The following ELMO1 variants were observed in gnomAD, a reference collection of about 807,000 sequenced individuals.
ELMO1 encodes engulfment and cell motility protein 1.
Under a neutral mutation model 98.9 loss-of-function variants are expected in ELMO1, and 26 were observed. The observed-to-expected ratio is 0.26, with a 90% confidence interval of 0.19 to 0.36. ELMO1 has a LOEUF of 0.36. Ranked by LOEUF, ELMO1 falls within the 10% of genes least tolerant of loss-of-function variation. ELMO1 has a pLI of 1.00. For synonymous variants in ELMO1, 346 were observed against 346.0 expected, an observed-to-expected ratio of 1.00 and a Z score of 0.00; for missense variants, 627 against 935.2, an observed-to-expected ratio of 0.67 and a Z score of 4.30.
intron 13 of ELMO1, among the ~76,000 whole-genome samples, chr7:37,195,668 C>A (rs188950016): frequency 6.6e-6 from 1 of 152,306 alleles, no homozygotes; most frequent in East Asian, 1.9e-4. Flanking sequence ...CTTTCCTCTC[C>A]GAAAAAGCTG....
chr7:37,126,867 T>C (rs867219666), intron 14 of ELMO1, among the ~76,000 whole-genome samples: 1 of 152,236 alleles, frequency 6.6e-6, no homozygotes, highest in Non-Finnish European at 1.5e-5. Context: ...CTTCTTTTAG[T>C]TGGATACTTT....
chr7:36,870,572 T>C lies in ELMO1; in HGVS notation c.1823-97A>G. ...TAAGCACTGGGTCCGCTACTGTGGT[T>C]ACCATTCCCAGAAACTACTGCAAAA... On this transcript the variant is annotated intron_variant, in intron 19 of 21. Transcript: ENST00000310758. This position sits in a 1 kb window ranked among gnomAD's most constrained non-coding sequence, Gnocchi z 4.4. The C allele has an allele frequency of 8.7e-7, 1 of 1,149,598 alleles. No homozygotes were observed. Among genetic ancestry groups the C allele is most frequent in the Non-Finnish European group, 1.2e-6 (1 of 813,634 alleles). 71.2% of individuals were successfully genotyped at this position (1,149,598 alleles called of 1,614,324 possible). A position where few individuals can be genotyped will look rare whatever the true frequency, so the allele number is the denominator to read the frequency against.
intron 16 of ELMO1, among the ~76,000 whole-genome samples, chr7:36,938,051 T>C (rs188408263): frequency 6.6e-6 from 1 of 152,204 alleles, no homozygotes. Flanking sequence ...TGCCAGTTTA[T>C]GAAACATCCT....
intron 5 of ELMO1, among the ~76,000 whole-genome samples, chr7:37,266,575 C>CA (rs1280489845): frequency 2.0e-5 from 3 of 152,164 alleles, no homozygotes; most frequent in Non-Finnish European, 2.9e-5. Flanking sequence ...ATAGGGTTCA[C>CA]AAAAAAATCT....
At chr7:37,394,633 T>C (rs768403434) in intron 1 of ELMO1, among the ~76,000 whole-genome samples, 7 of 152,170 alleles carry the variant, frequency 4.6e-5, no homozygotes, top group Non-Finnish European at 1.0e-4. Flanking sequence ...AGGGTTCATC[T>C]AGGGCAGGAA....
intron 6 of ELMO1, among the ~76,000 whole-genome samples, chr7:37,250,111 C>T (rs1010495018): frequency 2.0e-5 from 3 of 151,974 alleles, no homozygotes; most frequent in Non-Finnish European, 2.9e-5. Context: ...AATAAAAGTT[C>T]AGAGAAAAAC....
At chr7:36,958,226 C>T (rs1454093609) in intron 16 of ELMO1, among the ~76,000 whole-genome samples, 2 of 152,124 alleles carry the variant, frequency 1.3e-5, no homozygotes, top group Non-Finnish European at 2.9e-5. Flanking sequence ...ATCATATTTG[C>T]TTAGCAAAAC....
chr7:37,418,256 T>C (rs1804314171), intron 1 of ELMO1, among the ~76,000 whole-genome samples: 1 of 152,138 alleles, frequency 6.6e-6, no homozygotes, highest in Non-Finnish European at 1.5e-5. Context: ...AGATAGAAAG[T>C]GCAGCACATT....
At chr7:37,028,805 G>A (rs1026053672) in intron 15 of ELMO1, among the ~76,000 whole-genome samples, 1 of 152,124 alleles carries the variant, frequency 6.6e-6, no homozygotes, top group South Asian at 2.1e-4. Flanking sequence ...TGTACATTCT[G>A]ATTTTAGTAA....
At chr7:37,074,932 C>T (rs1797483709) in intron 15 of ELMO1, among the ~76,000 whole-genome samples, 1 of 152,116 alleles carries the variant, frequency 6.6e-6, no homozygotes, top group Non-Finnish European at 1.5e-5. Flanking sequence ...TTCCACAGAC[C>T]TTGGCTTGAA....
At chr7:36,860,523 G>A (rs1802545169) in intron 21 of ELMO1, among the ~76,000 whole-genome samples, 1 of 152,244 alleles carries the variant, frequency 6.6e-6, no homozygotes, top group Non-Finnish European at 1.5e-5. Flanking sequence ...AAATCTGGCA[G>A]TCCCAGAGCA....
chr7:37,224,189 T>C (rs567793744), intron 9 of ELMO1, among the ~76,000 whole-genome samples: 1 of 152,308 alleles, frequency 6.6e-6, no homozygotes, highest in South Asian at 2.1e-4. Flanking sequence ...ATCACTGCAA[T>C]CCAAAATACT....
chr7:37,133,827 C>T (rs980629757), intron 13 of ELMO1, among the ~76,000 whole-genome samples: 10 of 152,156 alleles, frequency 6.6e-5, no homozygotes, highest in African/African-American at 2.2e-4. Flanking sequence ...GTCTGAGAAC[C>T]TTCCTGTCTG....
intron 15 of ELMO1, among the ~76,000 whole-genome samples, chr7:37,078,218 T>G (rs541362450): frequency 6.6e-6 from 1 of 152,350 alleles, no homozygotes; most frequent in South Asian, 2.1e-4. Context: ...CATAAAATGT[T>G]AAGTTTTAAT....
chr7:37,201,173 C>T (rs891591501), intron 13 of ELMO1, among the ~76,000 whole-genome samples: 3 of 152,138 alleles, frequency 2.0e-5, no homozygotes, highest in African/African-American at 4.8e-5. Flanking sequence ...AACCACATGT[C>T]AAGAGTCAGA....
At chr7:36,903,887 T>C (rs1783770894) in intron 16 of ELMO1, among the ~76,000 whole-genome samples, 1 of 152,230 alleles carries the variant, frequency 6.6e-6, no homozygotes, top group African/African-American at 2.4e-5. Context: ...ATAGGATTGG[T>C]ACTCTCACTG....
intron 7 of ELMO1, among the ~76,000 whole-genome samples, chr7:37,241,657 T>C (rs1794770243): frequency 6.6e-6 from 1 of 152,164 alleles, no homozygotes; most frequent in South Asian, 2.1e-4. Flanking sequence ...TGGCCTATGC[T>C]TCCTTGCACT....
chr7:37,180,239 T>C (rs575046355), intron 13 of ELMO1, among the ~76,000 whole-genome samples: 37 of 152,252 alleles, frequency 2.4e-4, no homozygotes, highest in South Asian at 2.3e-3. Flanking sequence ...AGCTTTACAA[T>C]GTAAGGCTGA....
At chr7:36,958,208 T>C (rs1562856297) in intron 16 of ELMO1, among the ~76,000 whole-genome samples, 1 of 152,182 alleles carries the variant, frequency 6.6e-6, no homozygotes, top group East Asian at 1.9e-4. Flanking sequence ...CCAGTACCTC[T>C]TCTCTCTATC....
Sources: allele counts gnomAD v4.1 joint callset (sites outside exome capture counted in the v4.1 genomes callset), GRCh38; gene constraint gnomAD v4.1.1; non-coding constraint Gnocchi (gnomAD v3.1); transcripts MANE v1.5; gene names NCBI Gene and HGNC (gene_info 2026-07-23, HGNC 2026-07-21).